Variants in SLC35D4 observed in about 807,000 individuals in gnomAD.
SLC35D4 encodes the protein UDP-N-acetylglucosamine transporter SLC35D4.
At chr18:23,273,713 C>T in the SLC35D4 span, among the ~76,000 whole-genome samples, 2 of 152,260 alleles carry the variant, frequency 1.3e-5, no homozygotes, top group South Asian at 2.1e-4. Flanking sequence ...ATTCGCCTCA[C>T]GGTCACATTC....
the SLC35D4 span, among the ~76,000 whole-genome samples, chr18:23,378,270 CA>C: frequency 1.3e-5 from 2 of 151,462 alleles, no homozygotes; most frequent in Admixed American, 1.3e-4. Context: ...TTCCTGGCCT[CA>C]AGCGATTCTC....
At chr18:23,377,825 C>T in the SLC35D4 span, among the ~76,000 whole-genome samples, 1 of 152,062 alleles carries the variant, frequency 6.6e-6, no homozygotes, top group African/African-American at 2.4e-5. Flanking sequence ...GAGGCTTTTT[C>T]TGCTTGGGCC....
At chr18:23,299,769 T>G in the SLC35D4 span, among the ~76,000 whole-genome samples, 1 of 152,162 alleles carries the variant, frequency 6.6e-6, no homozygotes, top group Non-Finnish European at 1.5e-5. Context: ...TCAGTCAGGT[T>G]GAGGGGCTTA....
At chr18:23,283,992 T>C in the SLC35D4 span, among the ~76,000 whole-genome samples, 1 of 152,208 alleles carries the variant, frequency 6.6e-6, no homozygotes, top group Non-Finnish European at 1.5e-5. Flanking sequence ...GTTCCTCCCC[T>C]TTTAGACCAT....
the SLC35D4 span, among the ~76,000 whole-genome samples, chr18:23,252,435 T>C: frequency 6.6e-5 from 10 of 152,340 alleles, no homozygotes; most frequent in Non-Finnish European, 8.8e-5. Context: ...TATTGAGCAC[T>C]TGCTGTAGGC....
the SLC35D4 span, among the ~76,000 whole-genome samples, chr18:23,358,544 C>T: frequency 6.6e-6 from 1 of 152,142 alleles, no homozygotes; most frequent in East Asian, 1.9e-4. Flanking sequence ...GAATAGCTAG[C>T]CCTTACCTTT....
the SLC35D4 span, chr18:23,371,359 T>A: frequency 7.4e-7 from 1 of 1,355,106 alleles, no homozygotes; most frequent in South Asian, 1.5e-5. Flanking sequence ...CCTCCCAAAG[T>A]GCTGGGATTC....
chr18:23,327,397 T>C, the SLC35D4 span, among the ~76,000 whole-genome samples: 2 of 152,118 alleles, frequency 1.3e-5, no homozygotes, highest in African/African-American at 2.4e-5. Flanking sequence ...AAATACAAAC[T>C]ACCACCAGAG....
At chr18:23,389,828 C>T in the SLC35D4 span, among the ~76,000 whole-genome samples, 1 of 152,158 alleles carries the variant, frequency 6.6e-6, no homozygotes, top group African/African-American at 2.4e-5. Flanking sequence ...GTGTAAGCCA[C>T]CATACCCGGC....
At chr18:23,380,550 G>A in the SLC35D4 span, among the ~76,000 whole-genome samples, 191 of 152,222 alleles carry the variant, frequency 1.3e-3, 1 homozygote, top group African/African-American at 4.2e-3. Context: ...GTGCCAGCCC[G>A]AGTGTACAGG....
At chr18:23,373,756 G>A in the SLC35D4 span, 775,430 of 1,611,520 alleles carry the variant, frequency 0.48, 191,174 homozygotes, top group Non-Finnish European at 0.51. Context: ...GCCAGGAGGA[G>A]GAGGGCACTG....
At chr18:23,394,983 C>CAAAAAAA in the SLC35D4 span, among the ~76,000 whole-genome samples, 2 of 54,454 alleles carry the variant, frequency 3.7e-5, no homozygotes, top group Non-Finnish European at 6.3e-5. Context: ...AACTCCATCT[C>CAAAAAAA]AAAAAAAAAA....
the SLC35D4 span, among the ~76,000 whole-genome samples, chr18:23,362,724 C>G: frequency 6.6e-6 from 1 of 152,202 alleles, no homozygotes; most frequent in Non-Finnish European, 1.5e-5. Flanking sequence ...TAACCCCAGT[C>G]TCCCTCTGCT....
At chr18:23,267,535 T>C in the SLC35D4 span, among the ~76,000 whole-genome samples, 2 of 151,718 alleles carry the variant, frequency 1.3e-5, no homozygotes, top group Non-Finnish European at 2.9e-5. Flanking sequence ...CTCCTCTAGC[T>C]CTTGTTCTGT....
chr18:23,376,695 C>T, the SLC35D4 span: 1 of 440,348 alleles, frequency 2.3e-6, no homozygotes. Flanking sequence ...ATAGAGGATG[C>T]TTCCCCATCC....
chr18:23,423,872 C>T, the SLC35D4 span, among the ~76,000 whole-genome samples: 2 of 152,288 alleles, frequency 1.3e-5, no homozygotes, highest in South Asian at 4.1e-4. Context: ...AGCACCGGAG[C>T]ACTGGAGAGG....
At chr18:23,396,840 C>T in the SLC35D4 span, among the ~76,000 whole-genome samples, 12 of 151,868 alleles carry the variant, frequency 7.9e-5, no homozygotes, top group East Asian at 1.4e-3. Flanking sequence ...ATCAATGCAT[C>T]GCTTCCTCCT....
chr18:23,378,259 A>G, the SLC35D4 span, among the ~76,000 whole-genome samples: 1 of 150,792 alleles, frequency 6.6e-6, no homozygotes, highest in Non-Finnish European at 1.5e-5. Context: ...GTGGTATTGA[A>G]TTCCTGGCCT....
chr18:23,243,431 G>C, the SLC35D4 span, among the ~76,000 whole-genome samples: 26 of 149,580 alleles, frequency 1.7e-4, no homozygotes, highest in Admixed American at 1.3e-3. Flanking sequence ...ATTGTGCTGT[G>C]TGGGGGAGGG....
Sources: gnomAD v4.1 joint callset for allele counts (sites outside exome capture counted in the v4.1 genomes callset) on GRCh38, gnomAD v4.1.1 for gene constraint, MANE v1.5 for transcripts, NCBI Gene and HGNC (gene_info 2026-07-23, HGNC 2026-07-21) for gene names.